Variants in NCOR2 observed in about 807,000 individuals in gnomAD.
The protein encoded by NCOR2 is CTG repeat protein 26.
A neutral mutation model predicts 262.9 loss-of-function variants in NCOR2; 81 were observed. That is an observed-to-expected ratio of 0.31 (90% CI 0.26 to 0.37). The LOEUF (loss-of-function observed/expected upper bound fraction) is 0.37, where lower values mean the gene tolerates loss of function less well. Ranked by LOEUF, NCOR2 falls within the 10% of genes least tolerant of loss-of-function variation. NCOR2 has a pLI of 1.00. For synonymous variants in NCOR2, 1,659 were observed against 1,559.3 expected, an observed-to-expected ratio of 1.06 and a Z score of -1.51; for missense variants, 3,385 against 3,621.4, an observed-to-expected ratio of 0.93 and a Z score of 1.68.
intron 20 of NCOR2, among the ~76,000 whole-genome samples, chr12:124,371,217 C>T (rs1475815433): frequency 1.3e-5 from 2 of 149,872 alleles, no homozygotes; most frequent in Non-Finnish European, 3.0e-5. Flanking sequence ...GAGCTGCCCC[C>T]CGTCCTGCCA....
chr12:124,377,190 C>A (rs893060808), intron 18 of NCOR2, among the ~76,000 whole-genome samples: 1 of 152,198 alleles, frequency 6.6e-6, no homozygotes, highest in Non-Finnish European at 1.5e-5. Flanking sequence ...TGGTCACAGT[C>A]CTGCATTTGA....
At position 124,378,497 on chromosome 12, in the gene NCOR2, G is replaced by A. The variant is rs774303309; in HGVS notation, c.2020-113C>T. On this transcript the variant is annotated intron_variant, in intron 17 of 46. Coordinates refer to ENST00000405201, the Ensembl canonical transcript of NCOR2. The surrounding 1 kb of genome is among the most constrained non-coding windows in gnomAD (Gnocchi z 4.2). ...AAAGGGCAGTGATCCCGGCCATGTA[G>A]CAATGAGGGTGACCGTCCCCCTCAC... 187 of 1,119,234 alleles carry A rather than the reference G, an allele frequency of 1.7e-4. No homozygotes were observed. The highest frequency in any genetic ancestry group is 2.2e-4 in the Non-Finnish European group (179 of 807,584). The allele number at this position is 1,119,234 out of a possible 1,614,324, so 69.3% of individuals were successfully genotyped here.
chr12:124,377,312 C>T (rs2040079809), intron 18 of NCOR2, among the ~76,000 whole-genome samples: 2 of 152,150 alleles, frequency 1.3e-5, no homozygotes, highest in South Asian at 2.1e-4. Flanking sequence ...GCAAACAACA[C>T]ACTCCGTGGT....
intron 16 of NCOR2, among the ~76,000 whole-genome samples, chr12:124,392,937 T>C (rs1162660407): frequency 6.6e-6 from 1 of 152,200 alleles, no homozygotes; most frequent in Non-Finnish European, 1.5e-5. Flanking sequence ...CACCAGGGCC[T>C]GGTCTTGCAC....
rs756398058 is a variant in NCOR2, at chr12:124,385,735, G to A, written c.2019+10C>T. The A allele has an allele frequency of 6.2e-7, 1 of 1,612,872 alleles. No individual in the cohort carries two copies. The highest frequency in any genetic ancestry group is 2.2e-5 in the East Asian group (1 of 44,846). On this transcript the variant is annotated intron_variant, in intron 17 of 46. Transcript: ENST00000405201. ...CCCAGAGGCGCGGTGCAGCGTGACT[G>A]GGGGCTCACCATCTTCAGCTTGTGC...
intron 1 of NCOR2, among the ~76,000 whole-genome samples, chr12:124,543,917 C>G (rs979287955): frequency 6.6e-6 from 1 of 152,210 alleles, no homozygotes; most frequent in Non-Finnish European, 1.5e-5. Flanking sequence ...TGCCTCCGCA[C>G]AATGCTAAGC....
chr12:124,473,523 C>T (rs1158495870), intron 3 of NCOR2, among the ~76,000 whole-genome samples: 1 of 152,148 alleles, frequency 6.6e-6, no homozygotes, highest in East Asian at 1.9e-4. Context: ...CTGCAGATGG[C>T]CTGTTGTGGG....
rs2045964994 is a variant in NCOR2 at position 124,457,867 on chromosome 12, G to A, written c.706-705C>T. On this transcript the variant is annotated intron_variant, in intron 5 of 46. Coordinates refer to ENST00000405201, the Ensembl canonical transcript of NCOR2. This position sits in a 1 kb window ranked among gnomAD's most constrained non-coding sequence, Gnocchi z 4.0. Reference sequence around the variant, plus strand: ...GCCAGGCCCACCAGCCCGCAGCCTGGGACCACCAGGGTCCACTCACAGGAG... The same window carrying A: ...GCCAGGCCCACCAGCCCGCAGCCTGAGACCACCAGGGTCCACTCACAGGAG... Among the ~76,000 whole-genome samples the A allele has an allele frequency of 6.6e-6, 1 of 152,208 alleles. No individual in the cohort carries two copies. Among genetic ancestry groups the A allele is most frequent in the South Asian group, 2.1e-4 (1 of 4,832 alleles).
intron 13 of NCOR2, among the ~76,000 whole-genome samples, chr12:124,407,580 T>C (rs2042344155): frequency 6.6e-6 from 1 of 152,066 alleles, no homozygotes; most frequent in South Asian, 2.1e-4. Context: ...AGCAATCCAA[T>C]AGCAGGTCGC....
rs2042448148 is a variant in NCOR2 at position 124,409,467 on chromosome 12, C to T, written c.1483-6906G>A. 2.0e-5 allele frequency among the ~76,000 whole-genome samples: 3 copies of T among 152,356 alleles called. No individual in the cohort carries two copies. The South Asian group carries it at 6.2e-4, about 32-fold the overall frequency. Reference sequence around the variant, plus strand: ...CCTCAGAGAAGCCTTGCGGCCAGCTCCCTATAAAAGCTGCCCTCCTGCCCA... The same window carrying T: ...CCTCAGAGAAGCCTTGCGGCCAGCTTCCTATAAAAGCTGCCCTCCTGCCCA... On this transcript the variant is annotated intron_variant, in intron 13 of 46. Transcript: ENST00000405201.
chr12:124,391,857 G>A lies in NCOR2; in HGVS notation c.1877-5970C>T, dbSNP rs868536841. 5.9e-5 allele frequency among the ~76,000 whole-genome samples: 9 copies of A among 152,320 alleles called. No homozygotes were observed. In the South Asian group the frequency reaches 6.2e-4, roughly 11 times the overall value. ...TGGCGCTGTCTCGCCTACCATTTCCGGAAGTGCCACGTTACACCTTTCAAT... is the reference window on the plus strand; with the variant it reads ...TGGCGCTGTCTCGCCTACCATTTCCAGAAGTGCCACGTTACACCTTTCAAT... On this transcript the variant is annotated intron_variant, in intron 16 of 46. Transcript: ENST00000405201.
At chr12:124,392,388 A>G (rs556083436) in intron 16 of NCOR2, among the ~76,000 whole-genome samples, 1 of 152,168 alleles carries the variant, frequency 6.6e-6, no homozygotes, top group African/African-American at 2.4e-5. Context: ...AGCCCCAGAC[A>G]TGCACCCTCC....
chr12:124,450,106 G>T (rs1330400980), intron 6 of NCOR2, among the ~76,000 whole-genome samples: 1 of 152,220 alleles, frequency 6.6e-6, no homozygotes. Flanking sequence ...AGGTCGTCAT[G>T]GCTGCTCTGC....
chr12:124,399,416 G>A (rs532921766), intron 15 of NCOR2, among the ~76,000 whole-genome samples: 1 of 152,174 alleles, frequency 6.6e-6, no homozygotes, highest in African/African-American at 2.4e-5. Flanking sequence ...CCAGAGATCA[G>A]GCAGGAAGAA....
intron 44 of NCOR2, among the ~76,000 whole-genome samples, chr12:124,328,074 A>C (rs2034843990): frequency 6.6e-6 from 1 of 151,636 alleles, no homozygotes; most frequent in South Asian, 2.1e-4. Context: ...TGGGAGGGCT[A>C]CCCTGTTTGG....
chr12:124,445,968 G>A (rs1308444044), intron 7 of NCOR2, among the ~76,000 whole-genome samples: 1 of 152,266 alleles, frequency 6.6e-6, no homozygotes, highest in East Asian at 1.9e-4. Context: ...CACACAGCTA[G>A]TCAAACAGCC....
intron 38 of NCOR2, 174 bp from the exon 41 acceptor site, chr12:124,335,806 C>G (rs1027613290): frequency 3.0e-6 from 2 of 670,034 alleles, no homozygotes; most frequent in South Asian, 2.0e-5. Flanking sequence ...TGGGGAGAGA[C>G]AGGGAGGCCA....
intron 13 of NCOR2, among the ~76,000 whole-genome samples, chr12:124,413,314 T>C (rs1365556474): frequency 6.6e-6 from 1 of 152,210 alleles, no homozygotes; most frequent in Non-Finnish European, 1.5e-5. Context: ...GGTGTTGAGA[T>C]GGGCCAGGCG....
Position 124,483,780 on chromosome 12 carries a change from G to A in NCOR2, c.234-7C>T. On this transcript the variant is annotated splice_polypyrimidine_tract_variant and splice_region_variant and intron_variant, in intron 2 of 46. Coordinates refer to ENST00000405201, the Ensembl canonical transcript of NCOR2. This position sits in a 1 kb window ranked among gnomAD's most constrained non-coding sequence, Gnocchi z 6.3. Reference sequence around the variant, plus strand: ...CAGGTGGAGCTCCTGGGACCTGCAGGAGGTGAGGCATCCAACGTCACATAG... The same window carrying A: ...CAGGTGGAGCTCCTGGGACCTGCAGAAGGTGAGGCATCCAACGTCACATAG... The A allele has an allele frequency of 6.3e-7, 1 of 1,589,912 alleles. No individual in the cohort carries two copies. The highest frequency in any genetic ancestry group is 1.7e-5 in the Admixed American group (1 of 57,360).
Sources: allele counts gnomAD v4.1 joint callset (sites outside exome capture counted in the v4.1 genomes callset), GRCh38; gene constraint gnomAD v4.1.1; non-coding constraint Gnocchi (gnomAD v3.1); transcripts MANE v1.5; gene names NCBI Gene and HGNC (gene_info 2026-07-23, HGNC 2026-07-21).